SNRPN: variants seen among roughly 807,000 people sequenced by gnomAD.
The protein encoded by SNRPN is small nuclear ribonucleoprotein polypeptide N, also known as small nuclear ribonucleoprotein-associated protein N.
SNRPN carries 7 observed loss-of-function variants against 25.2 expected under a neutral mutation model. The ratio of observed to expected loss-of-function variants is 0.28; its 90% CI spans 0.16 to 0.52. The LOEUF (loss-of-function observed/expected upper bound fraction) is 0.52. SNRPN is among the 20% of genes least tolerant of loss of function. The pLI is 0.96. For synonymous variants in SNRPN, 124 were observed against 110.6 expected (o/e 1.12, Z -0.76); for missense variants, 196 against 322.5 (o/e 0.61, Z 3.00).
In SNRPN at chr15:24,960,698, G is replaced by A. The variant is rs144140290; in HGVS notation, c.-390-1416G>A. ...TGTGTTTGGAGGACTGTCTATTCAA[G>A]TGTTTTACCCATCGTAGCAATAGAA... is the stretch of plus-strand genomic sequence containing the variant. On this transcript the variant is annotated intron_variant, in intron 1 of 9. Coordinates refer to ENST00000390687, the MANE Select transcript of SNRPN (RefSeq NM_003097.6). 1.2e-3 allele frequency among the ~76,000 whole-genome samples: 183 copies of A among 152,262 alleles called. 1 individual carries two copies. Among genetic ancestry groups the A allele is most frequent in the African/African-American group, 4.2e-3 (174 of 41,556 alleles).
At chr15:24,915,214 G>A (rs777282512) in intron 2 of SNRPN, among the ~76,000 whole-genome samples, 24 of 151,856 alleles carry the variant, frequency 1.6e-4, no homozygotes, top group Non-Finnish European at 2.4e-4. Flanking sequence ...TGTAACCTCC[G>A]CCTCCTGGGT....
chr15:24,966,284 GTT>G (rs10588023), intron 2 of SNRPN, among the ~76,000 whole-genome samples: 20,525 of 151,996 alleles, frequency 0.14, 2,478 homozygotes, highest in African/African-American at 0.33. Flanking sequence ...ATACTTACTA[GTT>G]TTTTTTATAA....
At chr15:24,849,399 G>A (rs1357990637) in intron 2 of SNRPN, 1 of 152,194 alleles carries the variant, frequency 6.6e-6, no homozygotes, top group Non-Finnish European at 1.5e-5. Flanking sequence ...TCTACTAAAG[G>A]CTTAGTTTTC....
At chr15:24,882,117 A>G (rs1184703785) in intron 1 of SNRPN, among the ~76,000 whole-genome samples, 1 of 152,058 alleles carries the variant, frequency 6.6e-6, no homozygotes, top group African/African-American at 2.4e-5. Flanking sequence ...CTGCTAATTG[A>G]TTTTGAATTT....
In SNRPN at chr15:24,975,385, C is replaced by T; in HGVS notation, c.31C>T (p.Gln11Ter). Residue 11 changes from glutamine to a stop codon, truncating the protein, a stop_gained, in exon 5 of 10, where the codon CAG (glutamine) becomes TAG (stop). Transcript: ENST00000390687. LOFTEE classifies it high-confidence loss of function. ...TGTTGGCAAGAGTAGCAAGATGCTG[C>T]AGCACATTGACTATAGAATGAGATG... Reference protein sequence around the residue: MTVGKSSKMLQHIDYRMRCIL... With the variant: MTVGKSSKML 6.2e-7 allele frequency: 1 copy of T among 1,613,650 alleles called. No homozygotes were observed. The highest frequency in any genetic ancestry group is 2.2e-5 in the East Asian group (1 of 44,876).
At chr15:24,858,573 G>T (rs1239197385) in intron 1 of SNRPN, among the ~76,000 whole-genome samples, 1 of 151,882 alleles carries the variant, frequency 6.6e-6, no homozygotes, top group Non-Finnish European at 1.5e-5. Context: ...AAGGCGGGTG[G>T]ATCATAAGGC....
intron 1 of SNRPN, among the ~76,000 whole-genome samples, chr15:24,885,123 G>T (rs1319571760): frequency 6.6e-6 from 1 of 152,200 alleles, no homozygotes; most frequent in Non-Finnish European, 1.5e-5. Flanking sequence ...GTACATCAAA[G>T]CCATAACTGT....
chr15:24,851,910 T>C, upstream of SNRPN: 1 of 152,320 alleles, frequency 6.6e-6, no homozygotes, highest in Non-Finnish European at 1.5e-5. Context: ...GCAGGTTCCT[T>C]TCCCCTCGGT....
At chr15:24,908,142 T>C (rs2058972462) in intron 2 of SNRPN, among the ~76,000 whole-genome samples, 1 of 151,136 alleles carries the variant, frequency 6.6e-6, no homozygotes, top group Non-Finnish European at 1.5e-5. Context: ...AGTGACTTGA[T>C]GGCGTAATTG....
chr15:24,839,631 G>A lies in SNRPN; in HGVS notation c.-579+9726G>A, dbSNP rs777324140. On this transcript the variant is annotated intron_variant, in intron 2 of 12. Transcript: ENST00000400100. Reference sequence around the variant, plus strand: ...AAATGCGTGTTGTTTGGTCCACTGGGCAAATTGCCAAGGTTTATTCTGACA... The same window carrying A: ...AAATGCGTGTTGTTTGGTCCACTGGACAAATTGCCAAGGTTTATTCTGACA... 1.4e-3 allele frequency among the ~76,000 whole-genome samples: 213 copies of A among 152,078 alleles called. 1 individual carries two copies. Among genetic ancestry groups the A allele is most frequent in the Non-Finnish European group, 2.3e-3 (159 of 68,044 alleles).
rs1228280606 is a variant in SNRPN, at chr15:24,872,190, T to C, written c.-578-14326T>C. Among the ~76,000 whole-genome samples, 3 of 118,592 alleles carry C rather than the reference T, an allele frequency of 2.5e-5. 1 individual carries two copies. The highest frequency in any genetic ancestry group is 8.6e-5 in the African/African-American group (3 of 34,778). The allele number at this position is 118,592 out of a possible 152,430, so 77.8% of individuals were successfully genotyped here. On this transcript the variant is annotated intron_variant, in intron 1 of 11. Transcript: ENST00000400097. The stretch of plus-strand genomic sequence containing the variant: ...TTAAAATAACTTTTTTTTTGAGACA[T>C]GAGTATCACTTTTGTTGCCCAGGTT...
chr15:24,962,154 C>T lies in SNRPN; in HGVS notation c.-350C>T, dbSNP rs2074938579. On this transcript the variant is annotated 5_prime_UTR_variant, in exon 2 of 10. Transcript: ENST00000390687. ...GAGACGAACTACAGAACAGCACGTA[C>T]CAGAGGTGGAAGTCCAAGTCAAACG... 1 of 1,614,092 alleles carries T rather than the reference C, an allele frequency of 6.2e-7. No individual in the cohort carries two copies.
intron 2 of SNRPN, among the ~76,000 whole-genome samples, chr15:24,903,465 G>T (rs1274303594): frequency 6.6e-6 from 1 of 152,160 alleles, no homozygotes; most frequent in Admixed American, 6.5e-5. Context: ...CAAAGGAAAT[G>T]GTTGCAAGGA....
At chr15:24,923,911 G>A (rs865986718) in intron 3 of SNRPN, among the ~76,000 whole-genome samples, 69 of 102,488 alleles carry the variant, frequency 6.7e-4, no homozygotes, top group African/African-American at 2.3e-3. Context: ...GTGTGTGTGT[G>A]TGTATATAAA....
intron 2 of SNRPN, among the ~76,000 whole-genome samples, chr15:24,907,560 T>C (rs1254933040): frequency 6.6e-6 from 1 of 151,962 alleles, no homozygotes; most frequent in African/African-American, 2.4e-5. Context: ...ATCGTGCCAC[T>C]GCACTCCAGC....
chr15:24,940,607 A>T (rs1296069410), intron 3 of SNRPN, among the ~76,000 whole-genome samples: 5 of 152,140 alleles, frequency 3.3e-5, no homozygotes, highest in Non-Finnish European at 7.3e-5. Context: ...ACATTTCAGA[A>T]TCAGTATTTC....
chr15:24,962,830 A>G (rs554764265), intron 2 of SNRPN, among the ~76,000 whole-genome samples: 2 of 152,298 alleles, frequency 1.3e-5, no homozygotes, highest in East Asian at 3.9e-4. Context: ...ATTGCCATTA[A>G]AATTTTGATG....
chr15:24,880,654 TG>T lies in SNRPN; in HGVS notation c.-578-5861del, dbSNP rs369528110. ...ATGGGAGCCTGATGAATTTTTTAATTGAAGCCAAAATAAAAAAATTAATATG... is the reference window on the plus strand; with the variant it reads ...ATGGGAGCCTGATGAATTTTTTAATTAAGCCAAAATAAAAAAATTAATATG... On this transcript the variant is annotated intron_variant, in intron 1 of 11. Transcript: ENST00000400097. 3.2e-3 allele frequency among the ~76,000 whole-genome samples: 484 copies of T among 152,310 alleles called. 5 individuals carry two copies. Among genetic ancestry groups the T allele is most frequent in the African/African-American group, 0.011 (446 of 41,570 alleles).
chr15:24,853,169 G>T (rs78945064), upstream of SNRPN, among the ~76,000 whole-genome samples: 1 of 151,926 alleles, frequency 6.6e-6, no homozygotes, highest in Non-Finnish European at 1.5e-5. Flanking sequence ...AGTGTGTTAC[G>T]CTTGTTACAA....
Sources: gnomAD v4.1 joint callset for allele counts (sites outside exome capture counted in the v4.1 genomes callset) on GRCh38, gnomAD v4.1.1 for gene constraint, MANE v1.5 for transcripts, NCBI Gene and HGNC (gene_info 2026-07-23, HGNC 2026-07-21) for gene names.